The following PCF11 variants were observed in gnomAD, a reference collection of about 807,000 sequenced individuals.
PCF11 encodes pre-mRNA cleavage complex 2 protein Pcf11.
PCF11 carries 19 observed loss-of-function variants against 166.1 expected under a neutral mutation model. The ratio of observed to expected loss-of-function variants is 0.11; its 90% CI spans 0.08 to 0.17. The LOEUF (loss-of-function observed/expected upper bound fraction) is 0.17. Among genes scored for constraint, PCF11 ranks in the 10% least tolerant of loss-of-function variants. The probability of loss-of-function intolerance (pLI) is 1.00; values close to 1 mark genes in which losing one functional copy is unlikely to be tolerated. For missense variants in PCF11, 1,565 were observed against 1,855.5 expected (o/e 0.84, Z 2.88); for synonymous variants, 663 against 644.1 (o/e 1.03, Z -0.44).
intron 12 of PCF11, among the ~76,000 whole-genome samples, chr11:83,181,571 C>CT (rs1264899623): frequency 4.8e-5 from 7 of 145,638 alleles, no homozygotes; most frequent in Non-Finnish European, 6.0e-5. Context: ...TGTTCTAGCT[C>CT]TAAAATTCCC....
exon 5 of PCF11, chr11:83,165,677 G>C: frequency 6.2e-7 from 1 of 1,613,732 alleles, no homozygotes. Flanking sequence ...ATGTTTCACA[G>C]ATTCCCCCTA....
intron 13 of PCF11, 38 bp from the exon 14 acceptor site, chr11:83,182,361 C>A: frequency 1.9e-6 from 2 of 1,039,868 alleles, no homozygotes; most frequent in South Asian, 1.3e-5. Flanking sequence ...TAAATATGGT[C>A]TATTATGTAA....
exon 8 of PCF11, chr11:83,169,533 T>C: frequency 6.2e-7 from 1 of 1,613,912 alleles, no homozygotes; most frequent in Non-Finnish European, 8.5e-7. Context: ...TTGAAAGGAC[T>C]CCTGGTCAGC....
intron 1 of PCF11, among the ~76,000 whole-genome samples, chr11:83,161,094 A>T (rs1164573664): frequency 2.0e-5 from 3 of 152,188 alleles, no homozygotes; most frequent in African/African-American, 7.2e-5. Flanking sequence ...TTAAATGAGT[A>T]TATTAGGGAT....
At chr11:83,175,709 G>A (rs1860854407) in intron 9 of PCF11, among the ~76,000 whole-genome samples, 1 of 152,076 alleles carries the variant, frequency 6.6e-6, no homozygotes, top group African/African-American at 2.4e-5. Context: ...AGCTGAGATC[G>A]TGCCCCTGCA....
At position 83,182,401 on chromosome 11, in the gene PCF11, T is replaced by A. The variant is rs1355107955; in HGVS notation, c.4326T>A (p.Ser1442Arg). 3 of 1,488,814 alleles carry A rather than the reference T, an allele frequency of 2.0e-6. No individual in the cohort carries two copies. In the Admixed American group the frequency reaches 5.2e-5, roughly 26 times the overall value. The allele number at this position is 1,488,814 out of a possible 1,614,324, so 92.2% of individuals were successfully genotyped here. Residue 1442 changes from serine (S) to arginine (R), a missense_variant and splice_region_variant, in exon 14 of 16, where the codon AGT (serine) becomes AGA (arginine). This residue lies in a region of PCF11 where 81 missense variants were observed against 141.8 expected (regional missense o/e 0.57). Coordinates refer to ENST00000298281, the Ensembl canonical transcript of PCF11. Reference sequence around the variant, plus strand: ...CATTTTATATGATTCTATTTTAGAGTTGTGAAATCTGTCAAGAACAATTTG... The same window carrying A: ...CATTTTATATGATTCTATTTTAGAGATGTGAAATCTGTCAAGAACAATTTG...
At chr11:83,168,864 A>G in exon 8 of PCF11, 1 of 1,611,964 alleles carries the variant, frequency 6.2e-7, no homozygotes, top group Middle Eastern at 1.7e-4. Context: ...AAGCAGGAGG[A>G]GGTGGTTTTC....
exon 16 of PCF11, chr11:83,185,966 T>C (rs1861277258): frequency 6.6e-6 from 1 of 152,422 alleles, no homozygotes; most frequent in South Asian, 2.1e-4. Flanking sequence ...CTGAGTTTTA[T>C]TGAGCACATA....
Position 83,167,423 on chromosome 11 carries a change from A to T in PCF11, c.2010A>T (p.Glu670Asp). The change falls in exon 7 of 16, where the codon GAA (glutamate) becomes GAT (aspartate). Residue 670 changes from glutamate (E) to aspartate (D), a missense_variant. Physicochemically the swap from Glu to Asp is conservative, Grantham distance 45. Coordinates refer to ENST00000298281, the Ensembl canonical transcript of PCF11. The surrounding 1 kb of genome is among the most constrained non-coding windows in gnomAD (Gnocchi z 4.2). ...TTATCACCCCTATACAGACGAGTGA[A>T]CGTTTAGCATCTGGTGAAATTACAC... 1 of 1,595,942 alleles carries T rather than the reference A, an allele frequency of 6.3e-7. No homozygotes were observed. The highest frequency in any genetic ancestry group is 1.1e-5 in the South Asian group (1 of 87,760).
chr11:83,173,463 A>C (rs1339662033), intron 9 of PCF11, among the ~76,000 whole-genome samples: 2 of 151,110 alleles, frequency 1.3e-5, no homozygotes, highest in African/African-American at 4.9e-5. Flanking sequence ...CAGAAAAAAA[A>C]CCAAAAACCA....
chr11:83,183,367 A>G (rs1861148971), intron 15 of PCF11, among the ~76,000 whole-genome samples: 2 of 152,200 alleles, frequency 1.3e-5, no homozygotes, highest in South Asian at 2.1e-4. Flanking sequence ...ACTAGGCCCA[A>G]AGAAATGTGA....
At chr11:83,157,284 C>T (rs1483377129) in exon 1 of PCF11, 4 of 652,314 alleles carry the variant, frequency 6.1e-6, no homozygotes, top group Non-Finnish European at 1.0e-5. Flanking sequence ...CGAGGTTCCC[C>T]CTGTGTCGTC....
chr11:83,168,921 T>C, exon 8 of PCF11: 1 of 1,613,048 alleles, frequency 6.2e-7, no homozygotes, highest in East Asian at 2.2e-5. Flanking sequence ...CTCCAGGTGG[T>C]TTGAGATTTG....
exon 14 of PCF11, chr11:83,182,449 G>A (rs1223853716): frequency 6.3e-7 from 1 of 1,578,770 alleles, no homozygotes; most frequent in Non-Finnish European, 8.7e-7. Flanking sequence ...ATGAAGAAGA[G>A]GAGGAATGGC....
Position 83,167,082 on chromosome 11 carries a change from TAAAAAAACA to T in PCF11, c.1818-42_1818-34del. 1 of 1,488,038 alleles carries T rather than the reference TAAAAAAACA, an allele frequency of 6.7e-7. No homozygotes were observed. Among genetic ancestry groups the T allele is most frequent in the Non-Finnish European group, 9.2e-7 (1 of 1,089,726 alleles). The allele number at this position is 1,488,038 out of a possible 1,614,324, so 92.2% of individuals were successfully genotyped here. ...TTTAAATATGGTCCTGAGTATTTTTTAAAAAAACATTTCAATGTAACATACTGCTTTTAT... is the reference window on the plus strand; with the variant it reads ...TTTAAATATGGTCCTGAGTATTTTTTTTTCAATGTAACATACTGCTTTTAT... On this transcript the variant is annotated intron_variant, in intron 5 of 15. Transcript: ENST00000298281. This position sits in a 1 kb window ranked among gnomAD's most constrained non-coding sequence, Gnocchi z 4.2.
At chr11:83,176,987 TGAA>T in intron 9 of PCF11, 95 bp from the exon 10 acceptor site, 4 of 807,120 alleles carry the variant, frequency 5.0e-6, no homozygotes, top group Non-Finnish European at 6.9e-6. Context: ...CAGGACATCT[TGAA>T]GAAAACTTTG....
exon 12 of PCF11, chr11:83,181,152 C>T (rs373488779): frequency 1.9e-6 from 3 of 1,611,274 alleles, no homozygotes; most frequent in Non-Finnish European, 2.5e-6. Flanking sequence ...AGGATGTTAG[C>T]CGAAAAGTCA....
chr11:83,168,543 G>A lies in PCF11; in HGVS notation c.2208G>A (p.Leu736=), dbSNP rs149809762. 506 of 1,614,002 alleles carry A rather than the reference G, an allele frequency of 3.1e-4. 3 individuals carry two copies. The East Asian group carries it at 0.011, about 34-fold the overall frequency. The change falls in exon 8 of 16, where the codon CTG becomes CTA. Residue 736 remains leucine, a synonymous_variant. Transcript: ENST00000298281. ...GTCCAGCATCAAGATTCGCCGGCCT[G>A]GATACAAATCAGCGACTTACAGCTT...
chr11:83,169,998 A>C lies in PCF11; in HGVS notation c.3660+3A>C, dbSNP rs757883125. The stretch of plus-strand genomic sequence containing the variant: ...GAAATATTCAGGCATCTCAACAGGT[A>C]AGTCTGTTATTCTAAAATTGCGTTG... On this transcript the variant is annotated splice_donor_region_variant and intron_variant, in intron 8 of 15. Coordinates refer to ENST00000298281, the Ensembl canonical transcript of PCF11. The C allele has an allele frequency of 6.4e-7, 1 of 1,567,490 alleles. No individual in the cohort carries two copies. The highest frequency in any genetic ancestry group is 1.4e-5 in the African/African-American group (1 of 72,818).
Sources: gnomAD v4.1 joint callset for allele counts (sites outside exome capture counted in the v4.1 genomes callset) on GRCh38, gnomAD v4.1.1 for gene constraint, gnomAD v4.1.1 regional missense constraint, Gnocchi (gnomAD v3.1) non-coding constraint, MANE v1.5 for transcripts, NCBI Gene and HGNC (gene_info 2026-07-23, HGNC 2026-07-21) for gene names.